The following SREK1 variants were observed in gnomAD, a reference collection of about 807,000 sequenced individuals.
SREK1 encodes the protein splicing regulatory glutamic acid and lysine rich protein 1.
SREK1 carries 13 observed loss-of-function variants against 66.5 expected under a neutral mutation model. That is an observed-to-expected ratio of 0.20 (90% CI 0.13 to 0.31). SREK1 has a LOEUF of 0.31. Among genes scored for constraint, SREK1 ranks in the 10% least tolerant of loss-of-function variants. The probability of loss-of-function intolerance (pLI) is 1.00; values close to 1 mark genes in which losing one functional copy is unlikely to be tolerated. For synonymous variants in SREK1, 265 were observed against 263.5 expected, an observed-to-expected ratio of 1.01 and a Z score of -0.05; for missense variants, 607 against 769.6, an observed-to-expected ratio of 0.79 and a Z score of 2.50.
At chr5:66,155,158 C>T (rs527533451) in intron 2 of SREK1, among the ~76,000 whole-genome samples, 3 of 152,114 alleles carry the variant, frequency 2.0e-5, no homozygotes, top group African/African-American at 7.2e-5. Flanking sequence ...AGATGATGGG[C>T]GTGTAGATGT....
chr5:66,174,953 C>A lies in SREK1; in HGVS notation c.1492C>A (p.Arg498Ser). 6.2e-7 allele frequency: 1 copy of A among 1,612,262 alleles called. No homozygotes were observed. Among genetic ancestry groups the A allele is most frequent in the South Asian group, 1.1e-5 (1 of 90,738 alleles). ...TGTGTTTTTGATTTTCAGGGAAAGGCGTAGGAGGAGGAGCAGGAGTTCTTC... is the reference window on the plus strand; with the variant it reads ...TGTGTTTTTGATTTTCAGGGAAAGGAGTAGGAGGAGGAGCAGGAGTTCTTC... ...RRSRSSSRER[R>S]RRRSRSSSRS... The change falls in exon 10 of 12, where the codon CGT (arginine) becomes AGT (serine). Residue 498 changes from arginine to serine, a missense_variant. By Grantham distance (110) the Arg-to-Ser change is moderately radical (BLOSUM62 -1). Around this residue, in one of 5 missense-constraint regions of SREK1, gnomAD observed 318 missense variants for 310.3 expected, o/e 1.02. Coordinates refer to ENST00000334121, the MANE Select transcript of SREK1 (RefSeq NM_001077199.3).
intron 11 of SREK1, among the ~76,000 whole-genome samples, chr5:66,177,897 T>G (rs1561520123): frequency 6.6e-6 from 1 of 152,010 alleles, no homozygotes; most frequent in Non-Finnish European, 1.5e-5. Flanking sequence ...TAAGAAAAAT[T>G]TAAGAAATCA....
intron 10 of SREK1, among the ~76,000 whole-genome samples, chr5:66,176,248 C>G (rs931270936): frequency 1.3e-5 from 2 of 152,056 alleles, no homozygotes; most frequent in Non-Finnish European, 2.9e-5. Flanking sequence ...GTGTTTGGGT[C>G]TATTTCTGGG....
At position 66,162,491 on chromosome 5, in the gene SREK1, G is replaced by A. The variant is rs757142407; in HGVS notation, c.654G>A (p.Glu218=). The change falls in exon 5 of 12, where the codon GAG becomes GAA. Residue 218 remains glutamate (E), a synonymous_variant. Transcript: ENST00000334121. Reference sequence around the variant, plus strand: ...AGTTTGTGCGGATGGCAGGTGATGAGACTCAGCCAACTCGGTTTGCTTTTG... The same window carrying A: ...AGTTTGTGCGGATGGCAGGTGATGAAACTCAGCCAACTCGGTTTGCTTTTG... ...EVKFVRMAGD[E]TQPTRFAFVE... 3.1e-6 allele frequency: 5 copies of A among 1,614,098 alleles called. No individual in the cohort carries two copies. Among genetic ancestry groups the A allele is most frequent in the Middle Eastern group, 1.6e-4 (1 of 6,062 alleles).
intron 6 of SREK1, 129 bp from the exon 7 acceptor site, chr5:66,164,654 C>T (rs1440973814): frequency 7.6e-6 from 12 of 1,580,890 alleles, no homozygotes; most frequent in Non-Finnish European, 9.4e-6. Context: ...TTGGATGTTT[C>T]TGAAGGAGGA....
chr5:66,150,073 G>A (rs1052168237), intron 1 of SREK1, among the ~76,000 whole-genome samples: 2 of 152,212 alleles, frequency 1.3e-5, no homozygotes, highest in Admixed American at 1.3e-4. Flanking sequence ...GCCCAATAGA[G>A]AGAACCTGAT....
At chr5:66,165,587 G>A (rs1162223339) in intron 7 of SREK1, 1 of 152,164 alleles carries the variant, frequency 6.6e-6, no homozygotes, top group Non-Finnish European at 1.5e-5. Flanking sequence ...TGCAAATTTG[G>A]CAATACCATC....
At position 66,163,776 on chromosome 5, in the gene SREK1, A is replaced by G; in HGVS notation, c.756-16A>G. On this transcript the variant is annotated splice_polypyrimidine_tract_variant and intron_variant, in intron 5 of 11. Transcript: ENST00000334121. ...ATGTGGTGTGTATTTGTGATATGCT[A>G]ATATTTTTAATTTAGAATAAATCAC... is the stretch of plus-strand genomic sequence containing the variant. 6.2e-7 allele frequency: 1 copy of G among 1,605,274 alleles called. No individual in the cohort carries two copies. Among genetic ancestry groups the G allele is most frequent in the Non-Finnish European group, 8.5e-7 (1 of 1,175,746 alleles).
At chr5:66,175,944 A>G (rs1327211937) in intron 10 of SREK1, among the ~76,000 whole-genome samples, 1 of 152,150 alleles carries the variant, frequency 6.6e-6, no homozygotes. Context: ...TCATTTTTAA[A>G]ATAACTTTCT....
At chr5:66,151,605 C>G (rs148289911) in intron 1 of SREK1, among the ~76,000 whole-genome samples, 140 of 152,200 alleles carry the variant, frequency 9.2e-4, no homozygotes, top group African/African-American at 3.3e-3. Flanking sequence ...TTCCAGCAGG[C>G]ACTTGTACCT....
chr5:66,164,082 C>A, intron 6 of SREK1, 160 bp downstream of exon 6: 2 of 822,234 alleles, frequency 2.4e-6, no homozygotes, highest in Non-Finnish European at 3.6e-6. Context: ...CAAAGAACAA[C>A]TTAGCCCATA....
At position 66,147,992 on chromosome 5, in the gene SREK1, T is replaced by A. The variant is rs115653234; in HGVS notation, c.161+3455T>A. On this transcript the variant is annotated intron_variant, in intron 1 of 11. Coordinates refer to ENST00000334121, the MANE Select transcript of SREK1 (RefSeq NM_001077199.3). Reference sequence around the variant, plus strand: ...AGTAATTTCTGAGTGTATTGTGTGTTTTTGAAATTCTATTGTTGGATATTT... The same window carrying A: ...AGTAATTTCTGAGTGTATTGTGTGTATTTGAAATTCTATTGTTGGATATTT... Among the ~76,000 whole-genome samples the A allele has an allele frequency of 4.2e-3, 638 of 152,206 alleles. 6 individuals are homozygous for A. The highest frequency in any genetic ancestry group is 0.014 in the African/African-American group (598 of 41,558).
At chr5:66,156,099 T>TG (rs1381100703) in intron 2 of SREK1, 1 of 1,515,500 alleles carries the variant, frequency 6.6e-7, no homozygotes, top group Non-Finnish European at 8.8e-7. Context: ...CTGTTACACT[T>TG]GCCTGAGTTA....
At chr5:66,170,464 T>C in intron 8 of SREK1, 121 bp from the exon 9 acceptor site, 4 of 1,272,318 alleles carry the variant, frequency 3.1e-6, no homozygotes, top group Middle Eastern at 2.7e-4. Context: ...TAAAAATGTA[T>C]ATGTAAATGT....
chr5:66,161,715 T>G (rs1420283831), intron 3 of SREK1, among the ~76,000 whole-genome samples: 1 of 152,220 alleles, frequency 6.6e-6, no homozygotes, highest in Non-Finnish European at 1.5e-5. Context: ...TAAAATAAGG[T>G]TAAATATTTT....
At chr5:66,161,393 A>G (rs965079950) in intron 3 of SREK1, among the ~76,000 whole-genome samples, 2 of 152,182 alleles carry the variant, frequency 1.3e-5, no homozygotes, top group Non-Finnish European at 2.9e-5. Context: ...ATTTGCACGG[A>G]GGTCGAAATC....
At chr5:66,162,066 T>C (rs767774799) in intron 3 of SREK1, 43 bp from the exon 4 acceptor site, 2 of 1,581,766 alleles carry the variant, frequency 1.3e-6, no homozygotes, top group Non-Finnish European at 1.7e-6. Context: ...TGGATACTAA[T>C]AGAAAATATG....
chr5:66,173,326 A>T (rs768159947), intron 9 of SREK1, among the ~76,000 whole-genome samples: 6 of 152,212 alleles, frequency 3.9e-5, no homozygotes, highest in Admixed American at 6.5e-5. Context: ...CTGTCATTAA[A>T]GGTGATACCA....
In SREK1 at chr5:66,153,436, T is replaced by C. The variant is rs377360164; in HGVS notation, c.162-27T>C. On this transcript the variant is annotated intron_variant, in intron 1 of 11. Transcript: ENST00000334121. ...TAAAACCAAGCAAATGTTTATTAGTTCAATTGTTTTTCTTTTTATCTTGCA... is the reference window on the plus strand; with the variant it reads ...TAAAACCAAGCAAATGTTTATTAGTCCAATTGTTTTTCTTTTTATCTTGCA... 90 of 1,600,298 alleles carry C rather than the reference T, an allele frequency of 5.6e-5. 1 individual carries two copies. The highest frequency in any genetic ancestry group is 7.3e-5 in the Non-Finnish European group (86 of 1,174,830).
Sources: gnomAD v4.1 joint callset for allele counts (sites outside exome capture counted in the v4.1 genomes callset) on GRCh38, gnomAD v4.1.1 for gene constraint, gnomAD v4.1.1 regional missense constraint, MANE v1.5 for transcripts, NCBI Gene and HGNC (gene_info 2026-07-23, HGNC 2026-07-21) for gene names.